TTN: variants seen among roughly 807,000 people sequenced by gnomAD.
TTN encodes the protein titin.
In TTN, 1,525 loss-of-function variants were observed where a neutral mutation model predicts 3,223.0. The ratio of observed to expected loss-of-function variants is 0.47; its 90% CI spans 0.45 to 0.49. The LOEUF (loss-of-function observed/expected upper bound fraction) is 0.49. Ranked by LOEUF, TTN falls within the 20% of genes least tolerant of loss-of-function variation. TTN has a pLI of 0.00. For synonymous variants in TTN, 14,094 were observed against 15,161.0 expected, an observed-to-expected ratio of 0.93 and a Z score of 5.17; for missense variants, 40,786 against 43,424.0, an observed-to-expected ratio of 0.94 and a Z score of 5.40.
intron 137 of TTN, 41 bp downstream of exon 137, chr2:178,681,335 A>T (rs755023915): frequency 1.3e-6 from 2 of 1,564,562 alleles, no homozygotes. Context: ...TAGAACATAC[A>T]TAACAAAGTT....
chr2:178,598,469 A>C, intron 292 of TTN, 37 bp downstream of exon 292: 1 of 1,589,312 alleles, frequency 6.3e-7, no homozygotes, highest in Non-Finnish European at 8.5e-7. Context: ...TTTTTAGTTT[A>C]TTCATAGTGC....
In TTN at chr2:178,693,664, A is replaced by C. The variant is rs2073009875; in HGVS notation, c.31539T>G (p.Val10513=). Residue 10513 remains valine (V), a synonymous_variant, in exon 119 of 363, where the codon GTT becomes GTG. Coordinates refer to ENST00000589042, the MANE Select transcript of TTN (RefSeq NM_001267550.2). ...VTVPEVQKEI[V]TEEKIHVAIS... ...TGGCAACGTGAATTTTCTCTTCAGT[A>C]ACAATTTCCTTTTGTACCTCGGGGA... The C allele has an allele frequency of 6.2e-7, 1 of 1,600,628 alleles. No homozygotes were observed. Among genetic ancestry groups the C allele is most frequent in the Non-Finnish European group, 8.5e-7 (1 of 1,170,736 alleles).
chr2:178,588,034 G>A lies in TTN; in HGVS notation c.63373C>T (p.Leu21125Phe), dbSNP rs1040226223. ...GTAACAGTGAATTCCTTGCGTACAA[G>A]CTGTGCTGCAGCATTACACCGTTTC... Reference protein sequence around the residue: ...GWKRCNAAAQLVRKEFTVTSL... With the variant: ...GWKRCNAAAQFVRKEFTVTSL... The change falls in exon 305 of 363, where the codon CTT (leucine) becomes TTT (phenylalanine). Residue 21125 changes from leucine to phenylalanine, a missense_variant. Physicochemically the swap from Leu to Phe is conservative, Grantham distance 22. Transcript: ENST00000589042. 1 of 1,612,976 alleles carries A rather than the reference G, an allele frequency of 6.2e-7. No homozygotes were observed.
Position 178,677,903 on chromosome 2 carries a change from C to T in TTN, c.34009G>A (p.Glu11337Lys). The change falls in exon 146 of 363, where the codon GAA becomes AAA. Residue 11337 changes from glutamate to lysine, a missense_variant. Glu to Lys is a moderately conservative substitution (Grantham distance 56). Coordinates refer to ENST00000589042, the MANE Select transcript of TTN (RefSeq NM_001267550.2). ...AGAGCTACAGGAACTGGAACTGGTT[C>T]ACGTTTCTTTGGCACTTTAAAGATA... ...APPPKVPKKR[E>K]PVPVPVALPQ... 1 of 1,599,244 alleles carries T rather than the reference C, an allele frequency of 6.3e-7. No homozygotes were observed. Among genetic ancestry groups the T allele is most frequent in the Non-Finnish European group, 8.5e-7 (1 of 1,174,742 alleles).
Position 178,575,653 on chromosome 2 carries a change from T to C in TTN, c.70479A>G (p.Thr23493=), listed in dbSNP as rs879010176. The change falls in exon 326 of 363, where the codon ACA becomes ACG. Residue 23493 remains threonine (T), a synonymous_variant. Coordinates refer to ENST00000589042, the MANE Select transcript of TTN (RefSeq NM_001267550.2). The surrounding 1 kb of genome is among the most constrained non-coding windows in gnomAD (Gnocchi z 4.0). ...CTTCAGACAAGCCGGTAACTTTATATGTGCATTTATGGCACTTAGTGGTGG... is the reference window on the plus strand; with the variant it reads ...CTTCAGACAAGCCGGTAACTTTATACGTGCATTTATGGCACTTAGTGGTGG... ...STATTKCHKC[T]YKVTGLSEGC... 1 of 1,613,652 alleles carries C rather than the reference T, an allele frequency of 6.2e-7. No homozygotes were observed. Among genetic ancestry groups the C allele is most frequent in the Non-Finnish European group, 8.5e-7 (1 of 1,179,660 alleles).
At chr2:178,725,251 A>C in intron 71 of TTN, 117 bp downstream of exon 71, 1 of 1,161,766 alleles carries the variant, frequency 8.6e-7, no homozygotes, top group East Asian at 2.8e-5. Context: ...TAGACCTTTC[A>C]AATAGATGAG....
Position 178,620,266 on chromosome 2 carries a change from C to T in TTN, c.46255G>A (p.Ala15419Thr), listed in dbSNP as rs761783891. The T allele has an allele frequency of 2.4e-5, 37 of 1,542,490 alleles. No individual in the cohort carries two copies. Among genetic ancestry groups the T allele is most frequent in the Non-Finnish European group, 3.1e-5 (36 of 1,148,022 alleles). Reference sequence around the variant, plus strand: ...CCATTTCTGTACCATTTTACATTGGCTTTCTCTCTGGAGAGCTGGCAGGAG... The same window carrying T: ...CCATTTCTGTACCATTTTACATTGGTTTTCTCTCTGGAGAGCTGGCAGGAG... ...VFSCQLSREK[A>T]NVKWYRNGRE... Residue 15419 changes from alanine (A) to threonine (T), a missense_variant, in exon 248 of 363, where the codon GCC (alanine) becomes ACC (threonine). Ala to Thr is a moderately conservative substitution (Grantham distance 58). Transcript: ENST00000589042.
intron 171 of TTN, 49 bp from the exon 172 acceptor site, chr2:178,663,565 G>T (rs1203260187): frequency 4.3e-6 from 7 of 1,613,518 alleles, no homozygotes; most frequent in African/African-American, 4.0e-5. Context: ...AAGACCACTA[G>T]AAAAATATTT....
In TTN at chr2:178,715,508, A is replaced by C. The variant is rs1448059327; in HGVS notation, c.25906T>G (p.Ser8636Ala). 1 of 1,611,918 alleles carries C rather than the reference A, an allele frequency of 6.2e-7. No homozygotes were observed. The highest frequency in any genetic ancestry group is 8.5e-7 in the Non-Finnish European group (1 of 1,178,298). ...GAGCGCTGACCTTTAACTTTTAAGG[A>C]TGTGCTGCTGCTGGCACTGCCTGCT... ...NAAGSASSST[S>A]LKVKEPPIFR... Residue 8636 changes from serine (S) to alanine (A), a missense_variant, in exon 89 of 363, where the codon TCC becomes GCC. Physicochemically the swap from Ser to Ala is moderately conservative, Grantham distance 99. Coordinates refer to ENST00000589042, the MANE Select transcript of TTN (RefSeq NM_001267550.2).
Position 178,732,446 on chromosome 2 carries a change from C to T in TTN, c.16615G>A (p.Val5539Ile), listed in dbSNP as rs2154310288. The T allele has an allele frequency of 6.3e-7, 1 of 1,599,384 alleles. No homozygotes were observed. Among genetic ancestry groups the T allele is most frequent in the South Asian group, 1.1e-5 (1 of 89,040 alleles). The change falls in exon 56 of 363, where the codon GTA (valine) becomes ATA (isoleucine). Residue 5539 changes from valine to isoleucine, a missense_variant. By Grantham distance (29) the Val-to-Ile change is conservative. Transcript: ENST00000589042. ...GGVECSANLF[V>I]KEPATFVEKL... The stretch of plus-strand genomic sequence containing the variant: ...TCAAGAAAACAATGCAAACCTTTTA[C>T]AAACAAGTTTGCACTGCATTCCACC...
rs1392048853 is a variant in TTN, at chr2:178,619,980, A to G, written c.46429+8T>C. 6 of 1,607,674 alleles carry G rather than the reference A, an allele frequency of 3.7e-6. No homozygotes were observed. Among genetic ancestry groups the G allele is most frequent in the Admixed American group, 1.7e-5 (1 of 58,982 alleles). ...AACATTAGAATTGTTTTTTCACTTA[A>G]TATGTACCTTCCACAAAAAGTCTAG... On this transcript the variant is annotated splice_region_variant and intron_variant, in intron 249 of 362. Transcript: ENST00000589042.
chr2:178,802,089 G>A (rs766481208), intron 3 of TTN, 49 bp downstream of exon 3: 44 of 1,610,678 alleles, frequency 2.7e-5, no homozygotes, highest in Non-Finnish European at 2.5e-5. Context: ...CAATTTGCTG[G>A]AGATGTCCTC....
chr2:178,589,904 T>G lies in TTN; in HGVS notation c.61821A>C (p.Glu20607Asp). ...AGCCTTTCTGGTTTGGTTTGCGATA[T>G]TCTACTATGAAGTTTGTTATTTCTG... Reference protein sequence around the residue: ...GGSEITNFIVEYRKPNQKGWS... With the variant: ...GGSEITNFIVDYRKPNQKGWS... Residue 20607 changes from glutamate to aspartate, a missense_variant, in exon 304 of 363, where the codon GAA becomes GAC. By Grantham distance (45) the Glu-to-Asp change is conservative. Coordinates refer to ENST00000589042, the MANE Select transcript of TTN (RefSeq NM_001267550.2). 3 of 1,613,382 alleles carry G rather than the reference T, an allele frequency of 1.9e-6. No homozygotes were observed. In the South Asian group the frequency reaches 3.3e-5, roughly 18 times the overall value.
At position 178,590,501 on chromosome 2, in the gene TTN, C is replaced by T. The variant is rs566188777; in HGVS notation, c.61224G>A (p.Val20408=). 4.4e-4 allele frequency: 717 copies of T among 1,613,046 alleles called. 11 individuals are homozygous for T. The South Asian group carries it at 7.5e-3, about 17-fold the overall frequency. ...GTGCTGTGCCAGGTTTCTGACATTC[C>T]ACTACATATCCTAGAATGGGGCTAC... ...DGGSPILGYV[V]ECQKPGTAQW... Residue 20408 remains valine (V), a synonymous_variant, in exon 304 of 363, where the codon GTG becomes GTA. Coordinates refer to ENST00000589042, the MANE Select transcript of TTN (RefSeq NM_001267550.2).
At position 178,675,659 on chromosome 2, in the gene TTN, G is replaced by T; in HGVS notation, c.34537+12C>A. On this transcript the variant is annotated intron_variant, in intron 149 of 362. Coordinates refer to ENST00000589042, the MANE Select transcript of TTN (RefSeq NM_001267550.2). ...GGTGCAGCAAACATATCCCTGTTAT[G>T]GGATGATGTACCTTTGGCAGGAGGG... The T allele has an allele frequency of 7.1e-7, 1 of 1,406,176 alleles. No individual in the cohort carries two copies. Among genetic ancestry groups the T allele is most frequent in the Non-Finnish European group, 9.2e-7 (1 of 1,087,942 alleles). 87.1% of individuals were successfully genotyped at this position (1,406,176 alleles called of 1,614,324 possible). A position where few individuals can be genotyped will look rare whatever the true frequency, so the allele number is the denominator to read the frequency against.
Position 178,532,262 on chromosome 2 carries a change from C to G in TTN, c.104353G>C (p.Glu34785Gln), listed in dbSNP as rs772532135. Residue 34785 changes from glutamate to glutamine, a missense_variant, in exon 358 of 363, where the codon GAA (glutamate) becomes CAA (glutamine). Transcript: ENST00000589042. ...ATGAAGTCAAGTTCGCTTTTGTATT[C>G]TGAGAGATGCTGGGTGGTCGTAACT... ...RPVTTTQHLS[E>Q]YKSELDFMSK... is the part of the protein sequence containing the mutation. The G allele has an allele frequency of 3.0e-5, 49 of 1,613,720 alleles. No homozygotes were observed. Among genetic ancestry groups the G allele is most frequent in the Non-Finnish European group, 5.1e-6 (6 of 1,179,886 alleles).
chr2:178,609,172 C>G (rs777034156), intron 273 of TTN, 36 bp downstream of exon 273: 17 of 1,455,638 alleles, frequency 1.2e-5, no homozygotes, highest in Non-Finnish European at 1.5e-5. Flanking sequence ...TTACTAAAAC[C>G]TTTTTCCATT....
chr2:178,713,788 T>C (rs1170350077), intron 92 of TTN, 109 bp downstream of exon 92: 1 of 1,362,790 alleles, frequency 7.3e-7, no homozygotes, highest in African/African-American at 1.5e-5. Flanking sequence ...ATTCAGAAGA[T>C]GTCGGACTCA....
At chr2:178,583,571 T>C (rs1371390421) in intron 312 of TTN, 36 bp downstream of exon 312, 5 of 1,510,560 alleles carry the variant, frequency 3.3e-6, no homozygotes, top group South Asian at 1.4e-5. Context: ...ATGAATGCTG[T>C]TACATCTTTG....
Sources: gnomAD v4.1 joint callset for allele counts on GRCh38, gnomAD v4.1.1 for gene constraint, Gnocchi (gnomAD v3.1) non-coding constraint, MANE v1.5 for transcripts, NCBI Gene and HGNC (gene_info 2026-07-23, HGNC 2026-07-21) for gene names.